Variants in ENOX2 observed in about 807,000 individuals in gnomAD.
ENOX2 encodes ecto-NOX disulfide-thiol exchanger 2.
Under a neutral mutation model 45.0 loss-of-function variants are expected in ENOX2, and 36 were observed. That is an observed-to-expected ratio of 0.80 (90% CI 0.61 to 1.06). The LOEUF (loss-of-function observed/expected upper bound fraction) is 1.06. Among genes scored for constraint, ENOX2 ranks in the 50% least tolerant of loss-of-function variants. ENOX2 has a pLI of 0.00. For missense variants in ENOX2, 423 were observed against 462.5 expected (o/e 0.91, Z 0.78); for synonymous variants, 174 against 152.3 (o/e 1.14, Z -1.05).
In ENOX2 at chrX:130,703,232, G is replaced by T; in HGVS notation, c.-16C>A. On this transcript the variant is annotated 5_prime_UTR_variant, in exon 4 of 15. Coordinates refer to ENST00000394363, the MANE Select transcript of ENOX2 (RefSeq NM_006375.4). The stretch of plus-strand genomic sequence containing the variant: ...GTAGTGTCATTGCAGTGGAATCCAC[G>T]TTCAGAGTTCTACTGTTATCGGCTG... 1.0e-5 allele frequency: 12 copies of T among 1,202,414 alleles called. No individual in the cohort carries two copies. Among genetic ancestry groups the T allele is most frequent in the Non-Finnish European group, 1.3e-5 (12 of 890,449 alleles).
chrX:130,633,796 G>C (rs1252104153), intron 12 of ENOX2, among the ~76,000 whole-genome samples: 1 of 112,311 alleles, frequency 8.9e-6, no homozygotes, highest in East Asian at 2.8e-4. Flanking sequence ...GCAAAACAGA[G>C]CTATGTGGCA....
At chrX:130,720,046 T>C (rs1413867836) in intron 3 of ENOX2, among the ~76,000 whole-genome samples, 1 of 112,150 alleles carries the variant, frequency 8.9e-6, no homozygotes, top group African/African-American at 3.2e-5. Context: ...AATCACCACC[T>C]GACAATAAAT....
intron 2 of ENOX2, among the ~76,000 whole-genome samples, chrX:130,805,321 C>T (rs1026723870): frequency 1.8e-5 from 2 of 111,617 alleles, no homozygotes; most frequent in East Asian, 2.8e-4. Context: ...TTACCAAGTC[C>T]GGAAGAACAT....
At chrX:130,739,577 G>A (rs1482562745) in intron 3 of ENOX2, among the ~76,000 whole-genome samples, 4 of 112,127 alleles carry the variant, frequency 3.6e-5, no homozygotes, top group Non-Finnish European at 7.5e-5. Context: ...TTTGTATAGT[G>A]CTTTATATTT....
At chrX:130,866,089 T>C (rs1285479224) in intron 2 of ENOX2, among the ~76,000 whole-genome samples, 1 of 111,826 alleles carries the variant, frequency 8.9e-6, no homozygotes, top group African/African-American at 3.2e-5. Context: ...CTACTTAAAA[T>C]GGGTTTCCCT....
At chrX:130,898,195 A>G (rs1235388420) in intron 2 of ENOX2, among the ~76,000 whole-genome samples, 1 of 110,720 alleles carries the variant, frequency 9.0e-6, no homozygotes, top group African/African-American at 3.3e-5. Context: ...TTTAGTAGAG[A>G]CGGGGTTTCC....
At chrX:130,644,756 A>G (rs1273665433) in intron 10 of ENOX2, among the ~76,000 whole-genome samples, 1 of 111,841 alleles carries the variant, frequency 8.9e-6, no homozygotes, top group Admixed American at 9.5e-5. Flanking sequence ...GGAAGGGATG[A>G]AAAGGTGGAC....
At chrX:130,729,416 C>T (rs1394177881) in intron 3 of ENOX2, among the ~76,000 whole-genome samples, 1 of 111,804 alleles carries the variant, frequency 8.9e-6, no homozygotes, top group Non-Finnish European at 1.9e-5. Flanking sequence ...TTATATTACT[C>T]ATGGATTTAT....
intron 3 of ENOX2, among the ~76,000 whole-genome samples, chrX:130,712,957 T>A (rs1167860529): frequency 8.9e-6 from 1 of 112,151 alleles, no homozygotes; most frequent in African/African-American, 3.2e-5. Flanking sequence ...CCACTAACAG[T>A]ATTATACAAT....
At chrX:130,680,836 CCCAA>C (rs1422806500) in intron 5 of ENOX2, among the ~76,000 whole-genome samples, 11 of 112,331 alleles carry the variant, frequency 9.8e-5, no homozygotes, top group African/African-American at 3.6e-4. Flanking sequence ...GGCCAAGGCC[CCCAA>C]CCTGACTCTT....
At chrX:130,657,680 C>A (rs5975217) in intron 9 of ENOX2, among the ~76,000 whole-genome samples, 1 of 112,456 alleles carries the variant, frequency 8.9e-6, no homozygotes, top group African/African-American at 3.2e-5. Context: ...TTGAATCCAA[C>A]TAAGTAAATT....
intron 3 of ENOX2, among the ~76,000 whole-genome samples, chrX:130,762,473 T>C (rs1321061649): frequency 1.8e-5 from 2 of 111,671 alleles, no homozygotes; most frequent in African/African-American, 6.5e-5. Flanking sequence ...TCCCAGCTAC[T>C]GGGGAGGGTG....
chrX:130,780,865 G>GTGGAGAGA lies in ENOX2; in HGVS notation c.-39+2681_-39+2682insTCTCTCCA, dbSNP rs764798061. ...GAGGGAGAGAGATGGCTTTGACTCA[G>GTGGAGAGA]TGGAGTTACAGGGCCGAGTGATGCA... On this transcript the variant is annotated intron_variant, in intron 3 of 14. Transcript: ENST00000394363. 3.9e-3 allele frequency among the ~76,000 whole-genome samples: 438 copies of GTGGAGAGA among 111,488 alleles called. 2 individuals are homozygous for GTGGAGAGA. Among genetic ancestry groups the GTGGAGAGA allele is most frequent in the African/African-American group, 0.014 (423 of 30,688 alleles).
intron 4 of ENOX2, among the ~76,000 whole-genome samples, chrX:130,700,814 A>G (rs1462486808): frequency 1.8e-5 from 2 of 111,813 alleles, no homozygotes; most frequent in Non-Finnish European, 3.8e-5. Flanking sequence ...ACTGAGGAAC[A>G]GAGAGGTCAA....
At chrX:130,895,954 G>C (rs1323277358) in intron 2 of ENOX2, among the ~76,000 whole-genome samples, 1 of 112,186 alleles carries the variant, frequency 8.9e-6, no homozygotes, top group Non-Finnish European at 1.9e-5. Context: ...TACACATTTG[G>C]GCTGTTTTAA....
At chrX:130,768,950 T>C (rs1216389743) in intron 3 of ENOX2, among the ~76,000 whole-genome samples, 8 of 111,410 alleles carry the variant, frequency 7.2e-5, no homozygotes, top group Non-Finnish European at 1.5e-4. Flanking sequence ...ATGATCGGTC[T>C]AAGATTCATA....
At chrX:130,761,660 G>C (rs896286343) in intron 3 of ENOX2, among the ~76,000 whole-genome samples, 1 of 111,323 alleles carries the variant, frequency 9.0e-6, no homozygotes, top group Non-Finnish European at 1.9e-5. Context: ...GGCAAAATGG[G>C]GGACAGGCAT....
intron 2 of ENOX2, among the ~76,000 whole-genome samples, chrX:130,884,156 C>A (rs757336913): frequency 8.9e-6 from 1 of 112,005 alleles, no homozygotes; most frequent in East Asian, 2.8e-4. Context: ...GTGTCAAATT[C>A]ATTTAAGTCT....
intron 2 of ENOX2, among the ~76,000 whole-genome samples, chrX:130,800,996 A>C (rs1457457768): frequency 8.9e-6 from 1 of 112,457 alleles, no homozygotes; most frequent in Non-Finnish European, 1.9e-5. Flanking sequence ...AATGGCGTAT[A>C]AAATGGTTCC....
Sources: allele counts gnomAD v4.1 joint callset (sites outside exome capture counted in the v4.1 genomes callset), GRCh38; gene constraint gnomAD v4.1.1; transcripts MANE v1.5; gene names NCBI Gene and HGNC (gene_info 2026-07-23, HGNC 2026-07-21).